STAU2: variants seen among roughly 807,000 people sequenced by gnomAD.
STAU2 encodes staufen double-stranded RNA binding protein 2.
Under a neutral mutation model 65.9 loss-of-function variants are expected in STAU2, and 20 were observed. That is an observed-to-expected ratio of 0.30 (90% confidence interval 0.21 to 0.44). STAU2 has a LOEUF of 0.44. Ranked by LOEUF, STAU2 falls within the 20% of genes least tolerant of loss-of-function variation. STAU2 has a pLI of 1.00. For synonymous variants in STAU2, 232 were observed against 233.9 expected (o/e 0.99, Z 0.07); for missense variants, 558 against 683.9 (o/e 0.82, Z 2.05).
intron 7 of STAU2, among the ~76,000 whole-genome samples, chr8:73,616,511 C>G (rs751704726): frequency 6.6e-6 from 1 of 152,082 alleles, no homozygotes; most frequent in Admixed American, 6.6e-5. Context: ...AAGAAGCTCA[C>G]TATGCTGCCG....
chr8:73,708,343 A>T (rs6999458), intron 4 of STAU2, among the ~76,000 whole-genome samples: 41,979 of 152,064 alleles, frequency 0.28, 6,301 homozygotes, highest in East Asian at 0.46. Context: ...TAGCCAAGAT[A>T]TAAATGTGCC....
In STAU2 at chr8:73,421,322, T is replaced by A; in HGVS notation, c.*50A>T. 6.8e-7 allele frequency: 1 copy of A among 1,477,256 alleles called. No homozygotes were observed. The highest frequency in any genetic ancestry group is 9.2e-7 in the Non-Finnish European group (1 of 1,092,652). 91.5% of individuals were successfully genotyped at this position (1,477,256 alleles called of 1,614,324 possible). On this transcript the variant is annotated 3_prime_UTR_variant, in exon 15 of 15. Coordinates refer to ENST00000524300, the MANE Select transcript of STAU2 (RefSeq NM_001164380.2). ...CCCTGAACACAGACACCCTCATGCG[T>A]GCTGACAGGTTTATAAGGATGCGGT... is the stretch of plus-strand genomic sequence containing the variant.
At chr8:73,485,988 G>C (rs947672684) in intron 13 of STAU2, among the ~76,000 whole-genome samples, 1 of 152,156 alleles carries the variant, frequency 6.6e-6, no homozygotes, top group Non-Finnish European at 1.5e-5. Context: ...GTCCAGTAGA[G>C]GAAGAGGCTG....
intron 13 of STAU2, among the ~76,000 whole-genome samples, chr8:73,434,974 T>C (rs940288983): frequency 1.3e-5 from 2 of 151,762 alleles, no homozygotes; most frequent in East Asian, 3.9e-4. Flanking sequence ...CACAACCTCA[T>C]TGAGTGCCAG....
intron 12 of STAU2, among the ~76,000 whole-genome samples, chr8:73,567,897 A>G (rs1176029385): frequency 6.6e-6 from 1 of 152,068 alleles, no homozygotes; most frequent in African/African-American, 2.4e-5. Flanking sequence ...TATCTTAAAT[A>G]TGGACTCGTC....
At position 73,513,052 on chromosome 8, in the gene STAU2, T is replaced by C. The variant is rs572500523; in HGVS notation, c.1530+38960A>G. 3.9e-5 allele frequency among the ~76,000 whole-genome samples: 6 copies of C among 152,308 alleles called. No individual in the cohort carries two copies. In the East Asian group the frequency reaches 7.7e-4, roughly 20 times the overall value. On this transcript the variant is annotated intron_variant, in intron 13 of 14. Coordinates refer to ENST00000524300, the MANE Select transcript of STAU2 (RefSeq NM_001164380.2). ...GCTTCTGCTTCCATTCACTGCTTTT[T>C]CCCCCTAAGTATTAATCACCCTTTT... is the stretch of plus-strand genomic sequence containing the variant.
chr8:73,634,132 G>GT (rs1373058025), intron 6 of STAU2, among the ~76,000 whole-genome samples: 2 of 152,040 alleles, frequency 1.3e-5, no homozygotes, highest in African/African-American at 2.4e-5. Flanking sequence ...TGCCAAAGAG[G>GT]TATCATTCTT....
intron 12 of STAU2, among the ~76,000 whole-genome samples, chr8:73,578,640 GA>G (rs1809757046): frequency 1.3e-5 from 2 of 152,106 alleles, no homozygotes; most frequent in Non-Finnish European, 2.9e-5. Context: ...CTATTTACGG[GA>G]CCTTTGTTTG....
chr8:73,512,345 T>A (rs1404902165), intron 13 of STAU2, among the ~76,000 whole-genome samples: 2 of 152,192 alleles, frequency 1.3e-5, no homozygotes, highest in Non-Finnish European at 2.9e-5. Context: ...TAAGAGAAAG[T>A]GCGAACTTAA....
At chr8:73,678,800 T>C (rs1818191810) in intron 5 of STAU2, among the ~76,000 whole-genome samples, 1 of 152,192 alleles carries the variant, frequency 6.6e-6, no homozygotes, top group Non-Finnish European at 1.5e-5. Context: ...ATTGTAATAA[T>C]ATTTTGGCTT....
At chr8:73,501,457 C>T (rs1047230585) in intron 13 of STAU2, among the ~76,000 whole-genome samples, 3 of 151,860 alleles carry the variant, frequency 2.0e-5, no homozygotes, top group Non-Finnish European at 4.4e-5. Flanking sequence ...TTATGTTATA[C>T]ACCCTATATA....
intron 10 of STAU2, among the ~76,000 whole-genome samples, chr8:73,602,160 G>GT (rs1277130831): frequency 2.6e-5 from 4 of 152,034 alleles, no homozygotes; most frequent in Admixed American, 6.6e-5. Context: ...TCTATCAAAT[G>GT]TTTATTAAGG....
chr8:73,619,789 G>C (rs1244110080), intron 6 of STAU2, among the ~76,000 whole-genome samples: 1 of 152,062 alleles, frequency 6.6e-6, no homozygotes, highest in Admixed American at 6.5e-5. Flanking sequence ...GTCAAAGTTA[G>C]AAGAAAAATT....
chr8:73,589,333 T>C (rs538044811), intron 11 of STAU2, among the ~76,000 whole-genome samples: 16 of 152,302 alleles, frequency 1.1e-4, no homozygotes, highest in African/African-American at 3.8e-4. Flanking sequence ...AATTATGAGA[T>C]ACCCAAAACT....
intron 6 of STAU2, chr8:73,651,272 C>T: frequency 1.5e-6 from 1 of 663,794 alleles, no homozygotes; most frequent in Non-Finnish European, 2.7e-6. Flanking sequence ...GGGCCAAACG[C>T]CTGGCGGGCC....
chr8:73,694,773 G>T (rs1819587972), intron 4 of STAU2, among the ~76,000 whole-genome samples: 1 of 152,196 alleles, frequency 6.6e-6, no homozygotes, highest in Non-Finnish European at 1.5e-5. Flanking sequence ...ATGTGGCGTG[G>T]AGAGAAAATC....
intron 3 of STAU2, among the ~76,000 whole-genome samples, chr8:73,721,116 C>CAAAAAAAA (rs1159562570): frequency 2.3e-5 from 1 of 43,672 alleles, no homozygotes; most frequent in African/African-American, 8.0e-5. Context: ...CCCAACACTA[C>CAAAAAAAA]AAAAAAAAAA....
At chr8:73,574,910 A>G (rs911918713) in intron 12 of STAU2, among the ~76,000 whole-genome samples, 1 of 151,686 alleles carries the variant, frequency 6.6e-6, no homozygotes, top group Non-Finnish European at 1.5e-5. Flanking sequence ...GTATAATAAA[A>G]TAAATAAATA....
intron 13 of STAU2, chr8:73,550,083 A>T (rs1227954669): frequency 1.0e-6 from 1 of 985,288 alleles, no homozygotes; most frequent in African/African-American, 1.7e-5. Context: ...GCTTAGCTGC[A>T]GGTAGTGGTC....
Sources: allele counts gnomAD v4.1 joint callset (sites outside exome capture counted in the v4.1 genomes callset), GRCh38; gene constraint gnomAD v4.1.1; transcripts MANE v1.5; gene names NCBI Gene and HGNC (gene_info 2026-07-23, HGNC 2026-07-21).